Variants in EEFSEC observed in about 807,000 individuals in gnomAD.
The protein encoded by EEFSEC is selenocysteine-specific elongation factor.
A neutral mutation model predicts 42.1 loss-of-function variants in EEFSEC; 43 were observed. That is an observed-to-expected ratio of 1.02 (90% CI 0.80 to 1.32). The LOEUF is 1.32. Ranked by LOEUF, EEFSEC falls within the 40% of genes most tolerant of loss-of-function variation. The pLI is 0.00. For synonymous variants in EEFSEC, 354 were observed against 339.1 expected, an observed-to-expected ratio of 1.04 and a Z score of -0.48; for missense variants, 745 against 803.6, an observed-to-expected ratio of 0.93 and a Z score of 0.88.
intron 4 of EEFSEC, among the ~76,000 whole-genome samples, chr3:128,315,491 A>G (rs934109409): frequency 2.6e-5 from 4 of 152,164 alleles, no homozygotes; most frequent in Non-Finnish European, 5.9e-5. Flanking sequence ...ACGGCCAATA[A>G]GATGTATTGA....
At chr3:128,269,255 A>G (rs1230779186) in intron 4 of EEFSEC, among the ~76,000 whole-genome samples, 1 of 152,250 alleles carries the variant, frequency 6.6e-6, no homozygotes, top group Non-Finnish European at 1.5e-5. Flanking sequence ...CGGGAGCCCC[A>G]GAGGAGATGC....
chr3:128,337,904 C>A (rs752351816), intron 4 of EEFSEC, among the ~76,000 whole-genome samples: 3 of 152,230 alleles, frequency 2.0e-5, no homozygotes, highest in South Asian at 2.1e-4. Flanking sequence ...AGCAGTTCAA[C>A]TCCAGGAACT....
At chr3:128,221,192 G>T (rs1405153792) in intron 1 of EEFSEC, among the ~76,000 whole-genome samples, 4 of 152,172 alleles carry the variant, frequency 2.6e-5, no homozygotes, top group Non-Finnish European at 4.4e-5. Flanking sequence ...TGAAATGCTG[G>T]ATAAAGTGAG....
intron 1 of EEFSEC, among the ~76,000 whole-genome samples, chr3:128,167,909 A>G (rs1402947734): frequency 6.6e-6 from 1 of 152,280 alleles, no homozygotes; most frequent in East Asian, 1.9e-4. Context: ...AATCTGCCGG[A>G]GGAAATTTGA....
intron 6 of EEFSEC, among the ~76,000 whole-genome samples, chr3:128,391,818 G>A (rs540162898): frequency 5.5e-4 from 84 of 152,330 alleles, no homozygotes; most frequent in African/African-American, 1.7e-3. Context: ...GGTGCCCAGC[G>A]GGTGCTCTGA....
intron 6 of EEFSEC, among the ~76,000 whole-genome samples, chr3:128,388,304 T>C (rs1333895435): frequency 6.6e-6 from 1 of 152,196 alleles, no homozygotes; most frequent in African/African-American, 2.4e-5. Context: ...CTCCTCTAGC[T>C]GCCTGCATGC....
chr3:128,395,089 C>T (rs948934188), intron 6 of EEFSEC, among the ~76,000 whole-genome samples: 1 of 152,208 alleles, frequency 6.6e-6, no homozygotes, highest in Non-Finnish European at 1.5e-5. Context: ...GGCCTTATGT[C>T]CCTAGAGCAT....
At chr3:128,367,167 A>G (rs2067599763) in intron 6 of EEFSEC, among the ~76,000 whole-genome samples, 1 of 152,202 alleles carries the variant, frequency 6.6e-6, no homozygotes, top group South Asian at 2.1e-4. Context: ...TTACACCTTT[A>G]AAGGCCCTGC....
intron 4 of EEFSEC, among the ~76,000 whole-genome samples, chr3:128,334,962 G>A (rs2067174175): frequency 6.6e-6 from 1 of 152,214 alleles, no homozygotes; most frequent in South Asian, 2.1e-4. Context: ...TGGGCAGCAG[G>A]CCCCAGCCCT....
chr3:128,300,886 A>C (rs1318118258), intron 4 of EEFSEC, among the ~76,000 whole-genome samples: 1 of 151,792 alleles, frequency 6.6e-6, no homozygotes, highest in Non-Finnish European at 1.5e-5. Flanking sequence ...AACAAGTAGG[A>C]CTATACTGTG....
At chr3:128,342,601 T>C (rs1363312386) in intron 5 of EEFSEC, among the ~76,000 whole-genome samples, 1 of 152,196 alleles carries the variant, frequency 6.6e-6, no homozygotes, top group Non-Finnish European at 1.5e-5. Flanking sequence ...TGAGCCAGTC[T>C]AGTTGAAGTA....
intron 1 of EEFSEC, among the ~76,000 whole-genome samples, chr3:128,196,664 A>G (rs1335453881): frequency 6.6e-6 from 1 of 152,196 alleles, no homozygotes; most frequent in African/African-American, 2.4e-5. Flanking sequence ...CCATTGTATG[A>G]ATACACAATT....
chr3:128,423,478 C>CAATA, the EEFSEC span, among the ~76,000 whole-genome samples: 39,956 of 150,400 alleles, frequency 0.27, 5,877 homozygotes, highest in East Asian at 0.45. Flanking sequence ...GACCCTGTCT[C>CAATA]AATAAATAAA....
intron 4 of EEFSEC, among the ~76,000 whole-genome samples, chr3:128,333,250 TG>T (rs1163196161): frequency 6.6e-6 from 1 of 152,256 alleles, no homozygotes; most frequent in Non-Finnish European, 1.5e-5. Flanking sequence ...AGCACAAGTC[TG>T]TTACCTGCTT....
At chr3:128,425,496 T>G in the EEFSEC span, among the ~76,000 whole-genome samples, 1 of 152,192 alleles carries the variant, frequency 6.6e-6, no homozygotes, top group Non-Finnish European at 1.5e-5. Flanking sequence ...CATCGGTGCT[T>G]CTCTCCCATA....
chr3:128,259,134 G>A (rs1392303569), intron 2 of EEFSEC, among the ~76,000 whole-genome samples: 3 of 152,190 alleles, frequency 2.0e-5, no homozygotes, highest in African/African-American at 4.8e-5. Context: ...ACAATTGCTT[G>A]TACCATTGGT....
intron 4 of EEFSEC, among the ~76,000 whole-genome samples, chr3:128,279,097 G>A (rs544429765): frequency 4.6e-5 from 7 of 152,352 alleles, no homozygotes; most frequent in East Asian, 1.9e-4. Flanking sequence ...AAGGCCGGCC[G>A]CCAGAGGGAA....
intron 2 of EEFSEC, among the ~76,000 whole-genome samples, chr3:128,256,222 G>A (rs1037015588): frequency 2.0e-5 from 3 of 152,194 alleles, no homozygotes; most frequent in Non-Finnish European, 4.4e-5. Context: ...ACCAGGCTCA[G>A]TGCCTTCAGC....
rs1026130425 is a variant in EEFSEC at position 128,270,454 on chromosome 3, C to A, written c.786+5673C>A. On this transcript the variant is annotated intron_variant, in intron 4 of 6. Coordinates refer to ENST00000254730, the MANE Select transcript of EEFSEC (RefSeq NM_021937.5). ...TTGGATACCTATTTAGTTGATAAAG[C>A]TTTTAGGGAAGAGTTCAGAATTTGA... Among the ~76,000 whole-genome samples the A allele has an allele frequency of 2.0e-5, 3 of 152,206 alleles. No individual in the cohort carries two copies. The South Asian group carries it at 6.2e-4, about 32-fold the overall frequency.
Sources: allele counts gnomAD v4.1 joint callset (sites outside exome capture counted in the v4.1 genomes callset), GRCh38; gene constraint gnomAD v4.1.1; transcripts MANE v1.5; gene names NCBI Gene and HGNC (gene_info 2026-07-23, HGNC 2026-07-21).